The following NCKAP5 variants were observed in gnomAD, a reference collection of about 807,000 sequenced individuals.
The protein encoded by NCKAP5 is NCK associated protein 5.
A neutral mutation model predicts 167.0 loss-of-function variants in NCKAP5; 92 were observed. The observed-to-expected ratio is 0.55, with a 90% confidence interval of 0.47 to 0.66. The LOEUF is 0.66. Among genes scored for constraint, NCKAP5 ranks in the 30% least tolerant of loss-of-function variants. The pLI, the probability that NCKAP5 is intolerant of heterozygous loss-of-function variation, is 0.00. For synonymous variants in NCKAP5, 891 were observed against 877.4 expected (o/e 1.02, Z -0.27); for missense variants, 2,378 against 2,315.0 (o/e 1.03, Z -0.56).
intron 3 of NCKAP5, among the ~76,000 whole-genome samples, chr2:133,378,413 G>A (rs1362281670): frequency 6.6e-6 from 1 of 152,118 alleles, no homozygotes; most frequent in Non-Finnish European, 1.5e-5. Context: ...CTGAATTATA[G>A]TGTAGACTAT....
the NCKAP5 span, among the ~76,000 whole-genome samples, chr2:133,649,609 A>ATGTG: frequency 6.6e-6 from 1 of 152,184 alleles, no homozygotes; most frequent in African/African-American, 2.4e-5. Flanking sequence ...AATGTGCTAC[A>ATGTG]CCACATTAAC....
intron 4 of NCKAP5, among the ~76,000 whole-genome samples, chr2:133,290,728 C>CTTTTTTT (rs58758295): frequency 0.011 from 933 of 87,388 alleles, no homozygotes; most frequent in Middle Eastern, 0.015. Context: ...AGAATTTCTC[C>CTTTTTTT]TTTTTTTTTT....
At chr2:133,628,123 G>T in the NCKAP5 span, among the ~76,000 whole-genome samples, 1 of 152,092 alleles carries the variant, frequency 6.6e-6, no homozygotes, top group Non-Finnish European at 1.5e-5. Flanking sequence ...ATTCAACATA[G>T]TAATGGAAGT....
At chr2:133,516,820 C>T (rs774779081) in intron 3 of NCKAP5, among the ~76,000 whole-genome samples, 6 of 152,250 alleles carry the variant, frequency 3.9e-5, no homozygotes, top group Non-Finnish European at 7.4e-5. Flanking sequence ...ACACGCATTG[C>T]GTAACAGAAA....
intron 6 of NCKAP5, among the ~76,000 whole-genome samples, chr2:133,095,411 C>T (rs539537252): frequency 1.1e-4 from 16 of 152,294 alleles, no homozygotes; most frequent in Admixed American, 2.0e-4. Flanking sequence ...GACTGGTTTT[C>T]ATCAACAAAA....
chr2:133,441,404 C>A (rs557078278), intron 3 of NCKAP5, among the ~76,000 whole-genome samples: 3 of 152,160 alleles, frequency 2.0e-5, no homozygotes, highest in Non-Finnish European at 4.4e-5. Flanking sequence ...CCAGAATTAT[C>A]AAAGAAAAGC....
chr2:133,595,397 CTTCT>C, the NCKAP5 span, among the ~76,000 whole-genome samples: 1 of 151,544 alleles, frequency 6.6e-6, no homozygotes, highest in Non-Finnish European at 1.5e-5. Context: ...TCCTCCTCTT[CTTCT>C]TTTTGTTCCT....
chr2:133,250,928 TCAAA>T (rs201137645), intron 4 of NCKAP5, among the ~76,000 whole-genome samples: 15,101 of 151,772 alleles, frequency 0.099, 843 homozygotes, highest in South Asian at 0.15. Context: ...AGACCCTGTC[TCAAA>T]CAAACAAACA....
intron 2 of NCKAP5, among the ~76,000 whole-genome samples, chr2:133,539,219 C>A (rs139523311): frequency 0.012 from 1,869 of 152,122 alleles, 20 homozygotes; most frequent in Non-Finnish European, 0.015. Context: ...GAATTACAGG[C>A]GTGAGCCTCC....
the NCKAP5 span, among the ~76,000 whole-genome samples, chr2:133,637,476 CAAAAAAAAAA>C: frequency 6.3e-5 from 2 of 31,672 alleles, no homozygotes; most frequent in African/African-American, 3.1e-4. Context: ...TGGTATTTTC[CAAAAAAAAAA>C]AAAAAAAAAA....
chr2:133,528,888 T>C lies in NCKAP5; in HGVS notation c.-61-11301A>G, dbSNP rs527266524. 1.5e-3 allele frequency among the ~76,000 whole-genome samples: 233 copies of C among 152,330 alleles called. 1 individual carries two copies. Among genetic ancestry groups the C allele is most frequent in the Middle Eastern group, 3.4e-3 (1 of 294 alleles). ...CGCTTCCAGTGACAAATGGGTCACA[T>C]TGTCTTTCGGAAGAGCCCCTTTCAC... On this transcript the variant is annotated intron_variant, in intron 2 of 19. Coordinates refer to ENST00000409261, the MANE Select transcript of NCKAP5 (RefSeq NM_207363.3).
chr2:133,466,403 G>T (rs1575005050), intron 3 of NCKAP5, among the ~76,000 whole-genome samples: 1 of 149,838 alleles, frequency 6.7e-6, no homozygotes, highest in Admixed American at 6.7e-5. Flanking sequence ...TGCTGTTTTG[G>T]TTACTGTAGC....
intron 5 of NCKAP5, among the ~76,000 whole-genome samples, chr2:133,198,804 A>AT (rs1430672264): frequency 6.6e-6 from 1 of 152,162 alleles, no homozygotes. Flanking sequence ...TGACATGGAA[A>AT]TTACAGGGAC....
chr2:133,226,604 A>AACACACACACACACACACACACACAC (rs3051222), intron 4 of NCKAP5, among the ~76,000 whole-genome samples: 1 of 139,182 alleles, frequency 7.2e-6, no homozygotes, highest in African/African-American at 2.7e-5. Flanking sequence ...TTTGAAGATA[A>AACACACACACACACACACACACACAC]ACACACACAC....
chr2:132,783,974 T>C lies in NCKAP5; in HGVS notation c.2837A>G (p.Asp946Gly), dbSNP rs1683308951. 1.9e-6 allele frequency: 3 copies of C among 1,597,928 alleles called. No homozygotes were observed. The highest frequency in any genetic ancestry group is 2.6e-6 in the Non-Finnish European group (3 of 1,173,480). Residue 946 changes from aspartate to glycine, a missense_variant, in exon 14 of 20, where the codon GAC becomes GGC. Asp to Gly is a moderately conservative substitution (Grantham distance 94). This residue lies in a region of NCKAP5 where 1,325 missense variants were observed against 1,274.5 expected (regional missense o/e 1.04). Transcript: ENST00000409261. ...SVSLLARPSYDYSPAPSSTKS... is the reference protein window; with the variant it reads ...SVSLLARPSYGYSPAPSSTKS... Reference sequence around the variant, plus strand: ...GGTGGATGAAGGTGCTGGTGAATAGTCATAGCTGGGCCTGGCCAGCAGGGA... The same window carrying C: ...GGTGGATGAAGGTGCTGGTGAATAGCCATAGCTGGGCCTGGCCAGCAGGGA...
At chr2:133,133,460 A>G (rs1300338009) in intron 5 of NCKAP5, among the ~76,000 whole-genome samples, 2 of 152,248 alleles carry the variant, frequency 1.3e-5, no homozygotes, top group East Asian at 3.9e-4. Flanking sequence ...AAGATCTCAA[A>G]TCGCTGCACC....
intron 5 of NCKAP5, among the ~76,000 whole-genome samples, chr2:133,158,768 A>G (rs2083673238): frequency 1.3e-5 from 2 of 152,162 alleles, no homozygotes; most frequent in Admixed American, 6.5e-5. Context: ...CACTGGTTCA[A>G]TAACACAATA....
At chr2:132,724,112 G>T (rs1690215769) in intron 19 of NCKAP5, among the ~76,000 whole-genome samples, 1 of 151,874 alleles carries the variant, frequency 6.6e-6, no homozygotes, top group South Asian at 2.1e-4. Context: ...GCCCTTCCTG[G>T]CTCACTCACT....
intron 3 of NCKAP5, among the ~76,000 whole-genome samples, chr2:133,452,300 G>A (rs182777194): frequency 2.3e-3 from 345 of 152,282 alleles, no homozygotes; most frequent in Middle Eastern, 0.01. Context: ...CAGCCAACTA[G>A]GAGAGGCTCC....
Sources: gnomAD v4.1 joint callset for allele counts (sites outside exome capture counted in the v4.1 genomes callset) on GRCh38, gnomAD v4.1.1 for gene constraint, gnomAD v4.1.1 regional missense constraint, MANE v1.5 for transcripts, NCBI Gene and HGNC (gene_info 2026-07-23, HGNC 2026-07-21) for gene names.